FRMD5: variants seen among roughly 807,000 people sequenced by gnomAD.
FRMD5 encodes the protein FERM domain-containing protein 5.
In FRMD5, 20 loss-of-function variants were observed where a neutral mutation model predicts 69.0. That is an observed-to-expected ratio of 0.29 (90% confidence interval 0.20 to 0.42). The LOEUF is 0.42. FRMD5 is among the 10% of genes least tolerant of loss of function. The pLI, the probability that FRMD5 is intolerant of heterozygous loss-of-function variation, is 1.00. For synonymous variants in FRMD5, 271 were observed against 260.1 expected (o/e 1.04, Z -0.40); for missense variants, 595 against 708.6 (o/e 0.84, Z 1.82).
intron 1 of FRMD5, among the ~76,000 whole-genome samples, chr15:43,986,294 A>G (rs1889389633): frequency 6.6e-6 from 1 of 152,218 alleles, no homozygotes; most frequent in Non-Finnish European, 1.5e-5. Context: ...ATGATAACTG[A>G]AAGAGGGAAC....
At chr15:43,978,573 T>C (rs185349318) in intron 1 of FRMD5, among the ~76,000 whole-genome samples, 13 of 152,270 alleles carry the variant, frequency 8.5e-5, no homozygotes, top group African/African-American at 2.9e-4. Flanking sequence ...CCATGTGTTT[T>C]TGTAATCAAA....
chr15:44,029,082 A>G (rs1210445314), intron 1 of FRMD5, among the ~76,000 whole-genome samples: 2 of 152,236 alleles, frequency 1.3e-5, no homozygotes, highest in Non-Finnish European at 2.9e-5. Context: ...GAAGGAATGA[A>G]TAAGAGGCCA....
chr15:43,974,896 G>A (rs1003838130), intron 1 of FRMD5, among the ~76,000 whole-genome samples: 6 of 152,162 alleles, frequency 3.9e-5, no homozygotes, highest in African/African-American at 1.4e-4. Context: ...AACACTGACT[G>A]GGGCTCTTGT....
intron 1 of FRMD5, among the ~76,000 whole-genome samples, chr15:44,096,416 T>G (rs976537324): frequency 2.7e-5 from 4 of 150,942 alleles, no homozygotes; most frequent in Admixed American, 2.6e-4. Flanking sequence ...TTTTTTTTTT[T>G]TTTTTAGACA....
chr15:43,898,512 T>C (rs939839820), intron 7 of FRMD5, among the ~76,000 whole-genome samples: 7 of 152,362 alleles, frequency 4.6e-5, no homozygotes, highest in Admixed American at 2.6e-4. Context: ...ACAACAAGGC[T>C]GGGCATCTGT....
chr15:44,132,551 C>T (rs2077116911), intron 1 of FRMD5, among the ~76,000 whole-genome samples: 3 of 152,102 alleles, frequency 2.0e-5, no homozygotes, highest in Admixed American at 6.5e-5. Context: ...ACCTCAGCCT[C>T]CCAAGTAGTT....
At chr15:43,907,362 C>A (rs117093001) in intron 5 of FRMD5, among the ~76,000 whole-genome samples, 1 of 152,282 alleles carries the variant, frequency 6.6e-6, no homozygotes, top group South Asian at 2.1e-4. Flanking sequence ...TCTGGGGTGA[C>A]CTTGAGCCTT....
rs536869417 is a variant in FRMD5 at position 44,179,650 on chromosome 15, A to G, written c.102+15303T>C. ...AATATCCTTCACAGAGGGAACACAC[A>G]CACATTAAACAAACAACTTATAGAG... On this transcript the variant is annotated intron_variant, in intron 1 of 13. Coordinates refer to ENST00000417257, the MANE Select transcript of FRMD5 (RefSeq NM_032892.5). 3.3e-5 allele frequency among the ~76,000 whole-genome samples: 5 copies of G among 152,322 alleles called. No individual in the cohort carries two copies. The East Asian group carries it at 9.6e-4, about 29-fold the overall frequency.
intron 1 of FRMD5, among the ~76,000 whole-genome samples, chr15:43,987,429 C>A (rs187033041): frequency 6.6e-6 from 1 of 152,228 alleles, no homozygotes; most frequent in South Asian, 2.1e-4. Context: ...GATAGAACAG[C>A]GGTCCTCAAC....
At chr15:44,194,860 G>T (rs1478223415) in intron 1 of FRMD5, 93 bp downstream of exon 1, 2 of 1,058,420 alleles carry the variant, frequency 1.9e-6, no homozygotes, top group South Asian at 1.4e-5. Flanking sequence ...TGGGGCTGGG[G>T]CGACCCCTGG....
chr15:44,008,531 G>T (rs1270344799), intron 1 of FRMD5, among the ~76,000 whole-genome samples: 1 of 151,918 alleles, frequency 6.6e-6, no homozygotes, highest in Non-Finnish European at 1.5e-5. Context: ...ATCTCAAAGT[G>T]CTGGGATTAC....
intron 1 of FRMD5, among the ~76,000 whole-genome samples, chr15:44,024,821 A>G (rs541241875): frequency 2.0e-4 from 30 of 152,362 alleles, no homozygotes; most frequent in African/African-American, 6.7e-4. Context: ...GTGATAAAAT[A>G]CCTGAAAGCT....
At chr15:44,074,815 A>G (rs1326607763) in intron 1 of FRMD5, among the ~76,000 whole-genome samples, 1 of 152,116 alleles carries the variant, frequency 6.6e-6, no homozygotes, top group Non-Finnish European at 1.5e-5. Context: ...AAACTTTTAA[A>G]CTTCCTCACA....
chr15:43,949,457 C>T (rs559870609), intron 1 of FRMD5, among the ~76,000 whole-genome samples: 19 of 152,334 alleles, frequency 1.2e-4, no homozygotes, highest in Middle Eastern at 3.4e-3. Flanking sequence ...GTAGAACCTA[C>T]ATCCAATTCC....
At chr15:43,975,252 A>T (rs1254724550) in intron 1 of FRMD5, among the ~76,000 whole-genome samples, 1 of 152,236 alleles carries the variant, frequency 6.6e-6, no homozygotes, top group Non-Finnish European at 1.5e-5. Context: ...AGGAGAGATA[A>T]AACTAACAAG....
chr15:44,036,809 G>C (rs1891934817), intron 1 of FRMD5, among the ~76,000 whole-genome samples: 1 of 152,148 alleles, frequency 6.6e-6, no homozygotes, highest in Non-Finnish European at 1.5e-5. Context: ...TAAAGAAGCA[G>C]TGCTGGTGAG....
At chr15:44,011,432 C>A (rs779147484) in intron 1 of FRMD5, among the ~76,000 whole-genome samples, 1 of 152,108 alleles carries the variant, frequency 6.6e-6, no homozygotes, top group African/African-American at 2.4e-5. Context: ...TTGGAGAATG[C>A]TGATGTCATT....
chr15:44,192,329 T>C (rs1454592250), intron 1 of FRMD5, among the ~76,000 whole-genome samples: 2 of 152,190 alleles, frequency 1.3e-5, no homozygotes, highest in East Asian at 3.8e-4. Flanking sequence ...CAGTGATACA[T>C]TTCTGATTCT....
intron 1 of FRMD5, among the ~76,000 whole-genome samples, chr15:43,925,972 A>G (rs2089577591): frequency 6.6e-6 from 1 of 152,146 alleles, no homozygotes; most frequent in African/African-American, 2.4e-5. Flanking sequence ...TTGTTTAGTT[A>G]TCTATTTACT....
Sources: gnomAD v4.1 joint callset for allele counts (sites outside exome capture counted in the v4.1 genomes callset) on GRCh38, gnomAD v4.1.1 for gene constraint, MANE v1.5 for transcripts, NCBI Gene and HGNC (gene_info 2026-07-23, HGNC 2026-07-21) for gene names.